Variants in CHN2 observed in about 807,000 individuals in gnomAD.
The protein encoded by CHN2 is beta-chimaerin.
Under a neutral mutation model 56.3 loss-of-function variants are expected in CHN2, and 35 were observed. The observed-to-expected ratio is 0.62, with a 90% CI of 0.47 to 0.82. The LOEUF (loss-of-function observed/expected upper bound fraction) is 0.82, where lower values mean the gene tolerates loss of function less well. Ranked by LOEUF, CHN2 falls within the 40% of genes least tolerant of loss-of-function variation. CHN2 has a pLI of 0.00. For synonymous variants in CHN2, 210 were observed against 212.8 expected (o/e 0.99, Z 0.12); for missense variants, 491 against 580.5 (o/e 0.85, Z 1.58).
intron 1 of CHN2, among the ~76,000 whole-genome samples, chr7:29,270,703 A>G (rs245997): frequency 0.54 from 81,982 of 151,288 alleles, 23,069 homozygotes; most frequent in East Asian, 0.95. Context: ...CTAAAAGTTT[A>G]TTGAGTCATT....
intron 1 of CHN2, among the ~76,000 whole-genome samples, chr7:29,312,999 G>T (rs1038467137): frequency 2.0e-5 from 3 of 152,092 alleles, no homozygotes; most frequent in Non-Finnish European, 4.4e-5. Flanking sequence ...GCATTTATCA[G>T]TAGTTTCCCT....
chr7:29,254,362 C>A (rs938260810), intron 1 of CHN2, among the ~76,000 whole-genome samples: 2 of 152,200 alleles, frequency 1.3e-5, no homozygotes, highest in Non-Finnish European at 2.9e-5. Context: ...GTCTATAAAG[C>A]TGATATAAAA....
chr7:29,325,493 A>G (rs1275467747), intron 1 of CHN2, among the ~76,000 whole-genome samples: 1 of 152,202 alleles, frequency 6.6e-6, no homozygotes, highest in Non-Finnish European at 1.5e-5. Flanking sequence ...AAAGGCAGCC[A>G]ATTGTCTCAG....
intron 6 of CHN2, among the ~76,000 whole-genome samples, chr7:29,433,059 C>T (rs1160270589): frequency 6.6e-6 from 1 of 152,220 alleles, no homozygotes; most frequent in African/African-American, 2.4e-5. Context: ...CTCTTACTGG[C>T]AGGAGTGCTT....
At chr7:29,214,736 T>C (rs1406013821) in intron 1 of CHN2, among the ~76,000 whole-genome samples, 56 of 152,318 alleles carry the variant, frequency 3.7e-4, no homozygotes, top group Non-Finnish European at 2.9e-5. Context: ...GAATCCACCA[T>C]TGAATGCCTC....
intron 6 of CHN2, among the ~76,000 whole-genome samples, chr7:29,406,698 T>A (rs1562582439): frequency 6.6e-6 from 1 of 152,124 alleles, no homozygotes; most frequent in Admixed American, 6.5e-5. Flanking sequence ...GGGAGGCTGG[T>A]TAGAAATGCA....
chr7:29,451,688 A>C (rs1335858913), intron 6 of CHN2, among the ~76,000 whole-genome samples: 1 of 152,176 alleles, frequency 6.6e-6, no homozygotes, highest in Admixed American at 6.5e-5. Flanking sequence ...ACATATAATA[A>C]TCATGAGCCC....
At chr7:29,387,446 A>G (rs1801004624) in intron 3 of CHN2, among the ~76,000 whole-genome samples, 2 of 152,216 alleles carry the variant, frequency 1.3e-5, no homozygotes, top group South Asian at 4.1e-4. Context: ...CCGAATACTC[A>G]CTATTTGAAT....
intron 2 of CHN2, among the ~76,000 whole-genome samples, chr7:29,187,677 G>A (rs1201106641): frequency 6.6e-6 from 1 of 151,956 alleles, no homozygotes; most frequent in African/African-American, 2.4e-5. Flanking sequence ...GCAATGAGCC[G>A]AGATTGCACC....
At chr7:29,211,068 T>TTTGTTGTTG (rs1554363856) in intron 1 of CHN2, among the ~76,000 whole-genome samples, 6 of 147,428 alleles carry the variant, frequency 4.1e-5, no homozygotes, top group African/African-American at 1.5e-4. Flanking sequence ...TGTTTTTTTT[T>TTTGTTGTTG]TTGTTGTTGT....
chr7:29,222,535 A>C (rs1172360021), intron 1 of CHN2, among the ~76,000 whole-genome samples: 1 of 152,148 alleles, frequency 6.6e-6, no homozygotes. Context: ...CTCAGAAATA[A>C]GAAACAGTAA....
intron 2 of CHN2, among the ~76,000 whole-genome samples, chr7:29,154,342 A>T (rs1233592892): frequency 6.6e-6 from 1 of 152,204 alleles, no homozygotes; most frequent in Admixed American, 6.5e-5. Context: ...AGCCTCTAGC[A>T]TGTCTGTATG....
intron 1 of CHN2, among the ~76,000 whole-genome samples, chr7:29,260,548 G>A (rs577741004): frequency 1.3e-5 from 2 of 152,154 alleles, no homozygotes; most frequent in African/African-American, 4.8e-5. Context: ...ATGGTGGGGC[G>A]AGGGAAAGGT....
intron 2 of CHN2, among the ~76,000 whole-genome samples, chr7:29,153,161 TATTTC>T (rs1793839355): frequency 6.6e-6 from 1 of 152,224 alleles, no homozygotes; most frequent in African/African-American, 2.4e-5. Context: ...TAAGAGGGTA[TATTTC>T]ATTTAACAGT....
upstream of CHN2, chr7:29,191,949 C>G (rs1410083161): frequency 6.6e-6 from 1 of 152,254 alleles, no homozygotes; most frequent in East Asian, 1.9e-4. Flanking sequence ...AGCCAGCCTT[C>G]AGGCTCCTGA....
chr7:29,232,790 C>A (rs1219473201), intron 1 of CHN2, among the ~76,000 whole-genome samples: 2 of 152,134 alleles, frequency 1.3e-5, no homozygotes, highest in Non-Finnish European at 1.5e-5. Context: ...TTGCAGGCTT[C>A]TTTCTAACTG....
intron 1 of CHN2, among the ~76,000 whole-genome samples, chr7:29,264,797 G>A (rs1789983911): frequency 6.7e-6 from 1 of 148,802 alleles, no homozygotes; most frequent in South Asian, 2.2e-4. Context: ...GACACCCGGG[G>A]TGATCAATAA....
chr7:29,499,200 C>T (rs961080279), intron 8 of CHN2, among the ~76,000 whole-genome samples: 1 of 152,146 alleles, frequency 6.6e-6, no homozygotes, highest in Non-Finnish European at 1.5e-5. Flanking sequence ...CATCACATTA[C>T]ATTACATGGT....
intron 3 of CHN2, among the ~76,000 whole-genome samples, chr7:29,382,911 C>A (rs1169191828): frequency 6.6e-6 from 1 of 152,138 alleles, no homozygotes; most frequent in Non-Finnish European, 1.5e-5. Context: ...TCAGAAACTA[C>A]AGAAGCTATG....
Sources: allele counts gnomAD v4.1 joint callset (sites outside exome capture counted in the v4.1 genomes callset), GRCh38; gene constraint gnomAD v4.1.1; transcripts MANE v1.5; gene names NCBI Gene and HGNC (gene_info 2026-07-23, HGNC 2026-07-21).